Variants in AP2A1 observed in about 807,000 individuals in gnomAD.
AP2A1 encodes the protein adaptor related protein complex 2 subunit alpha 1.
Under a neutral mutation model 107.3 loss-of-function variants are expected in AP2A1, and 21 were observed. The ratio of observed to expected loss-of-function variants is 0.20; its 90% CI spans 0.14 to 0.28. The LOEUF (loss-of-function observed/expected upper bound fraction) is 0.28, where lower values mean the gene tolerates loss of function less well. Among genes scored for constraint, AP2A1 ranks in the 10% least tolerant of loss-of-function variants. The pLI is 1.00. For missense variants in AP2A1, 873 were observed against 1,307.7 expected (o/e 0.67, Z 5.13); for synonymous variants, 602 against 564.8 (o/e 1.07, Z -0.93).
chr19:49,792,893 G>T (rs886386857), intron 5 of AP2A1, 98 bp from the exon 6 acceptor site: 2 of 1,065,824 alleles, frequency 1.9e-6, no homozygotes, highest in Non-Finnish European at 1.4e-6. Context: ...CCATCTTCCC[G>T]ACTGCACACA....
chr19:49,806,302 A>G (rs913157717), intron 22 of AP2A1, 49 bp downstream of exon 22: 5 of 1,538,100 alleles, frequency 3.3e-6, no homozygotes, highest in Non-Finnish European at 4.4e-6. Context: ...GCCGCCTGTC[A>G]TCTCTGCGTC....
At chr19:49,805,124 C>T (rs1568590090) in intron 18 of AP2A1, 3 of 285,374 alleles carry the variant, frequency 1.1e-5, no homozygotes, top group Non-Finnish European at 2.0e-5. Flanking sequence ...TACACATGTC[C>T]AGAGGCTAAG....
chr19:49,786,256 G>A (rs2123704283), intron 4 of AP2A1, among the ~76,000 whole-genome samples: 2 of 152,270 alleles, frequency 1.3e-5, no homozygotes, highest in South Asian at 4.1e-4. Context: ...AAGCCACATA[G>A]GTGTTTTTCT....
chr19:49,795,152 G>A (rs1418975269), intron 6 of AP2A1, among the ~76,000 whole-genome samples: 1 of 152,252 alleles, frequency 6.6e-6, no homozygotes, highest in Non-Finnish European at 1.5e-5. Flanking sequence ...GACGGAGGAA[G>A]CCTGGGGCAT....
At position 49,803,023 on chromosome 19, in the gene AP2A1, TG is replaced by T; in HGVS notation, c.2171+23del. 6.2e-7 allele frequency: 1 copy of T among 1,613,582 alleles called. No homozygotes were observed. Among genetic ancestry groups the T allele is most frequent in the Non-Finnish European group, 8.5e-7 (1 of 1,179,770 alleles). ...CTGAATAAGTGAGTCCTGGGAGTGG[TG>T]GGGGAGGGGAACGGGACAGGTGCGG... On this transcript the variant is annotated intron_variant, in intron 16 of 22. Coordinates refer to ENST00000354293, the MANE Select transcript of AP2A1 (RefSeq NM_130787.3).
At chr19:49,783,086 C>T (rs1028524243) in intron 4 of AP2A1, among the ~76,000 whole-genome samples, 2 of 152,212 alleles carry the variant, frequency 1.3e-5, no homozygotes, top group Admixed American at 1.3e-4. Flanking sequence ...ATGTGCCAGG[C>T]ACTGTGCTGA....
chr19:49,792,653 C>T (rs2073160968), intron 5 of AP2A1, among the ~76,000 whole-genome samples: 1 of 152,096 alleles, frequency 6.6e-6, no homozygotes, highest in South Asian at 2.1e-4. Context: ...GAGATTCCCC[C>T]AACAGCGCCC....
intron 1 of AP2A1, among the ~76,000 whole-genome samples, chr19:49,778,931 C>T (rs903623963): frequency 6.6e-6 from 1 of 150,396 alleles, no homozygotes; most frequent in Admixed American, 6.6e-5. Context: ...CATGGTGGCT[C>T]ATACCTGTAA....
rs760560076 is a variant in AP2A1, at chr19:49,782,689, C to T, written c.438C>T (p.Ala146=). 7 of 1,609,620 alleles carry T rather than the reference C, an allele frequency of 4.3e-6. No homozygotes were observed. The highest frequency in any genetic ancestry group is 1.1e-5 in the South Asian group (1 of 90,722). ...ANVGSREMGE[A]FAADIPRILV... ...TGGGCAGCCGGGAGATGGGCGAGGC[C>T]TTTGCCGCTGACATCCCCCGCATCC... is the stretch of plus-strand genomic sequence containing the variant. Residue 146 remains alanine, a synonymous_variant, in exon 4 of 23, where the codon GCC becomes GCT. Transcript: ENST00000354293.
intron 1 of AP2A1, 115 bp downstream of exon 1, chr19:49,767,315 G>A (rs904158887): frequency 3.1e-6 from 4 of 1,304,710 alleles, no homozygotes; most frequent in South Asian, 2.6e-5. Context: ...GCCGTATAGG[G>A]ACAGCATAGA....
At chr19:49,794,715 T>C (rs2073189796) in intron 6 of AP2A1, among the ~76,000 whole-genome samples, 1 of 151,852 alleles carries the variant, frequency 6.6e-6, no homozygotes, top group African/African-American at 2.4e-5. Context: ...CAGGCTGGAG[T>C]GCAATGGCGT....
Position 49,801,637 on chromosome 19 carries a change from C to T in AP2A1, c.1785+16C>T. On this transcript the variant is annotated intron_variant, in intron 13 of 22. Coordinates refer to ENST00000354293, the MANE Select transcript of AP2A1 (RefSeq NM_130787.3). The stretch of plus-strand genomic sequence containing the variant: ...CGACGTCCTGGTCAGAGCCCTGTCC[C>T]CCCACCCCACCCCTCTTGCACACCC... The T allele has an allele frequency of 6.4e-7, 1 of 1,567,904 alleles. No individual in the cohort carries two copies. The highest frequency in any genetic ancestry group is 8.7e-7 in the Non-Finnish European group (1 of 1,154,266).
At chr19:49,777,634 C>G (rs1020077415) in intron 1 of AP2A1, among the ~76,000 whole-genome samples, 1 of 95,834 alleles carries the variant, frequency 1.0e-5, no homozygotes, top group African/African-American at 4.1e-5. Flanking sequence ...GACTCCATCA[C>G]AAAAAAAAAA....
rs1304768208 is a variant in AP2A1, at chr19:49,805,457, G to C, written c.2349G>C (p.Leu783=). 2 of 1,540,418 alleles carry C rather than the reference G, an allele frequency of 1.3e-6. No individual in the cohort carries two copies. Among genetic ancestry groups the C allele is most frequent in the Non-Finnish European group, 1.8e-6 (2 of 1,139,752 alleles). Residue 783 remains leucine (L), a synonymous_variant, in exon 19 of 23, where the codon CTG becomes CTC. Coordinates refer to ENST00000354293, the MANE Select transcript of AP2A1 (RefSeq NM_130787.3). ...TCCTTGACTCCTGGCGGGCACAGCT[G>C]GCTGTGCAGACCAAGCGCGTGGCGG... is the stretch of plus-strand genomic sequence containing the variant. ...VVHPGDLQTQ[L]AVQTKRVAAQ...
rs890493845 is a variant in AP2A1, at chr19:49,802,152, C to G, written c.2114+11C>G. 3 of 1,547,134 alleles carry G rather than the reference C, an allele frequency of 1.9e-6. No homozygotes were observed. Among genetic ancestry groups the G allele is most frequent in the African/African-American group, 2.7e-5 (2 of 73,592 alleles). ...GGAGGCCTTCCTCAGGTAGCACCCCCTGGGCCCGGGCCCCTTCTCGCGGCC... is the reference window on the plus strand; with the variant it reads ...GGAGGCCTTCCTCAGGTAGCACCCCGTGGGCCCGGGCCCCTTCTCGCGGCC... On this transcript the variant is annotated intron_variant, in intron 15 of 22. Coordinates refer to ENST00000354293, the MANE Select transcript of AP2A1 (RefSeq NM_130787.3).
In AP2A1 at chr19:49,777,622, G is replaced by A. The variant is rs146687338; in HGVS notation, c.68-4135G>A. ...TGCACTCCATCCTGGGCGACAAAGC[G>A]AGACTCCATCACAAAAAAAAAAAAA... On this transcript the variant is annotated intron_variant, in intron 1 of 22. Coordinates refer to ENST00000354293, the MANE Select transcript of AP2A1 (RefSeq NM_130787.3). 7.3e-3 allele frequency among the ~76,000 whole-genome samples: 1,025 copies of A among 140,004 alleles called. 16 individuals are homozygous for A. The highest frequency in any genetic ancestry group is 0.026 in the African/African-American group (957 of 37,474). The allele number at this position is 140,004 out of a possible 152,430, so 91.8% of individuals were successfully genotyped here.
At chr19:49,794,719 A>G (rs2073189945) in intron 6 of AP2A1, among the ~76,000 whole-genome samples, 1 of 151,990 alleles carries the variant, frequency 6.6e-6, no homozygotes, top group Admixed American at 6.6e-5. Context: ...CTGGAGTGCA[A>G]TGGCGTGATC....
At chr19:49,803,798 T>C in intron 18 of AP2A1, 1 of 251,052 alleles carries the variant, frequency 4.0e-6, no homozygotes, top group Non-Finnish European at 7.9e-6. Flanking sequence ...GTGAAGTGTA[T>C]GTAGACCCTC....
chr19:49,796,279 T>C (rs2073212709), intron 7 of AP2A1: 1 of 153,236 alleles, frequency 6.5e-6, no homozygotes, highest in African/African-American at 2.4e-5. Context: ...ACAGCCAGTG[T>C]GATATGCACA....
Sources: gnomAD v4.1 joint callset for allele counts (sites outside exome capture counted in the v4.1 genomes callset) on GRCh38, gnomAD v4.1.1 for gene constraint, MANE v1.5 for transcripts, NCBI Gene and HGNC (gene_info 2026-07-23, HGNC 2026-07-21) for gene names.